PTPN14: variants seen among roughly 807,000 people sequenced by gnomAD.
PTPN14 encodes the protein tyrosine-protein phosphatase non-receptor type 14.
A neutral mutation model predicts 126.8 loss-of-function variants in PTPN14; 53 were observed. The observed-to-expected ratio is 0.42, with a 90% CI of 0.34 to 0.53. The LOEUF is 0.53. PTPN14 is among the 20% of genes least tolerant of loss of function. The pLI, the probability that PTPN14 is intolerant of heterozygous loss-of-function variation, is 0.08. For synonymous variants in PTPN14, 630 were observed against 599.3 expected, an observed-to-expected ratio of 1.05 and a Z score of -0.75; for missense variants, 1,257 against 1,552.9, an observed-to-expected ratio of 0.81 and a Z score of 3.20.
intron 2 of PTPN14, among the ~76,000 whole-genome samples, chr1:214,456,238 T>C (rs1474516383): frequency 1.3e-5 from 2 of 152,230 alleles, no homozygotes; most frequent in African/African-American, 2.4e-5. Context: ...TAAAATATCT[T>C]GCATTAAGTT....
chr1:214,454,643 T>C (rs546337890), intron 2 of PTPN14, among the ~76,000 whole-genome samples: 1 of 152,270 alleles, frequency 6.6e-6, no homozygotes, highest in African/African-American at 2.4e-5. Flanking sequence ...AGAGAAATGA[T>C]AGTAAGGCAA....
chr1:214,418,130 T>G (rs1305206740), intron 3 of PTPN14, among the ~76,000 whole-genome samples: 1 of 152,188 alleles, frequency 6.6e-6, no homozygotes, highest in East Asian at 1.9e-4. Flanking sequence ...CAAGCAAAAG[T>G]GTCCAGAGCC....
intron 1 of PTPN14, among the ~76,000 whole-genome samples, chr1:214,481,944 G>A (rs931671438): frequency 4.0e-5 from 6 of 149,362 alleles, no homozygotes; most frequent in African/African-American, 1.2e-4. Context: ...CCCAGATCAC[G>A]CCACTGCACT....
intron 14 of PTPN14, 60 bp from the exon 15 acceptor site, chr1:214,376,497 A>C (rs1433637552): frequency 3.6e-6 from 5 of 1,392,886 alleles, no homozygotes; most frequent in Non-Finnish European, 5.0e-6. Context: ...TCAATGAAAC[A>C]ACCAAATTTC....
At chr1:214,397,853 A>G in intron 8 of PTPN14, 60 bp downstream of exon 8, 1 of 1,385,326 alleles carries the variant, frequency 7.2e-7, no homozygotes, top group Non-Finnish European at 1.0e-6. Context: ...TTAATGTAAC[A>G]TTAACATTAC....
intron 8 of PTPN14, among the ~76,000 whole-genome samples, chr1:214,395,791 C>T (rs1485903992): frequency 6.6e-6 from 1 of 152,046 alleles, no homozygotes; most frequent in African/African-American, 2.4e-5. Flanking sequence ...CCTGTAATTC[C>T]CTGCCACCGC....
chr1:214,358,179 G>T, intron 18 of PTPN14, 129 bp from the exon 19 acceptor site: 1 of 1,145,938 alleles, frequency 8.7e-7, no homozygotes, highest in Non-Finnish European at 1.2e-6. Flanking sequence ...AAGGGACTCT[G>T]CCCTGGCTGG....
At chr1:214,358,315 G>A (rs961564609) in intron 18 of PTPN14, among the ~76,000 whole-genome samples, 2 of 152,174 alleles carry the variant, frequency 1.3e-5, no homozygotes, top group Non-Finnish European at 2.9e-5. Flanking sequence ...CACCCAGGCT[G>A]GAGTACAGTG....
At chr1:214,413,294 T>C (rs1571984294) in intron 4 of PTPN14, among the ~76,000 whole-genome samples, 1 of 152,256 alleles carries the variant, frequency 6.6e-6, no homozygotes, top group African/African-American at 2.4e-5. Context: ...CCATTGTTTC[T>C]TCCCCTCCAG....
At chr1:214,491,565 T>C (rs952850758) in intron 1 of PTPN14, among the ~76,000 whole-genome samples, 118 of 152,126 alleles carry the variant, frequency 7.8e-4, no homozygotes, top group African/African-American at 2.8e-3. Flanking sequence ...GGGTTCCTTC[T>C]CCTATGAGAA....
rs1285293287 is a variant in PTPN14, at chr1:214,451,801, C to T, written c.344+4G>A. 4 of 1,613,564 alleles carry T rather than the reference C, an allele frequency of 2.5e-6. No homozygotes were observed. The highest frequency in any genetic ancestry group is 2.5e-6 in the Non-Finnish European group (3 of 1,179,776). On this transcript the variant is annotated splice_donor_region_variant and intron_variant, in intron 3 of 18. Coordinates refer to ENST00000366956, the MANE Select transcript of PTPN14 (RefSeq NM_005401.5). ...TATGGCACACAGGGGGAAAATGCAC[C>T]TACCTTGTGGCCTCTTGCTGAAGCC...
rs3002299 is a variant in PTPN14, at chr1:214,364,943, A to T, written c.3272-268T>A. ...GAATTTGTTCTTTAAATTAAATAGT[A>T]CTTTTTTAAAAATTAAATTCTGTTT... On this transcript the variant is annotated intron_variant, in intron 17 of 18. Transcript: ENST00000366956. This position sits in a 1 kb window ranked among gnomAD's most constrained non-coding sequence, Gnocchi z 4.1. 0.81 allele frequency among the ~76,000 whole-genome samples: 122,703 copies of T among 151,974 alleles called. 50,133 individuals carry two copies. Among genetic ancestry groups the T allele is most frequent in the African/African-American group, 0.93 (38,654 of 41,462 alleles).
intron 5 of PTPN14, among the ~76,000 whole-genome samples, chr1:214,405,122 T>C (rs149737138): frequency 6.6e-6 from 1 of 152,334 alleles, no homozygotes; most frequent in African/African-American, 2.4e-5. Flanking sequence ...CCATCCCCTC[T>C]GGGAGAACCA....
intron 1 of PTPN14, among the ~76,000 whole-genome samples, chr1:214,490,497 T>G (rs1027629521): frequency 6.6e-6 from 1 of 152,142 alleles, no homozygotes; most frequent in Non-Finnish European, 1.5e-5. Flanking sequence ...TGTGTATGCA[T>G]AAATGAGAAT....
chr1:214,472,138 T>C (rs1572021849), intron 1 of PTPN14, among the ~76,000 whole-genome samples: 1 of 152,198 alleles, frequency 6.6e-6, no homozygotes, highest in Non-Finnish European at 1.5e-5. Context: ...CTCATTGATA[T>C]GGTTTGAATA....
At chr1:214,544,724 C>G (rs913145339) in intron 1 of PTPN14, among the ~76,000 whole-genome samples, 9 of 151,626 alleles carry the variant, frequency 5.9e-5, no homozygotes, top group African/African-American at 2.2e-4. Flanking sequence ...GCACTCCAGC[C>G]TGGAAGACAG....
In PTPN14 at chr1:214,384,918, A is replaced by G. The variant is rs2102540042; in HGVS notation, c.1067-130T>C. On this transcript the variant is annotated intron_variant, in intron 12 of 18. Transcript: ENST00000366956. The surrounding 1 kb of genome is among the most constrained non-coding windows in gnomAD (Gnocchi z 5.3). ...AAGTGAAATCCCATGGTCTCCACCCACATGTTCTATAGAATAACAGATACT... is the reference window on the plus strand; with the variant it reads ...AAGTGAAATCCCATGGTCTCCACCCGCATGTTCTATAGAATAACAGATACT... 1.9e-6 allele frequency: 2 copies of G among 1,068,128 alleles called. No homozygotes were observed. Among genetic ancestry groups the G allele is most frequent in the Non-Finnish European group, 2.7e-6 (2 of 747,972 alleles). The allele number at this position is 1,068,128 out of a possible 1,614,324, so 66.2% of individuals were successfully genotyped here.
intron 5 of PTPN14, among the ~76,000 whole-genome samples, chr1:214,407,746 T>C (rs1270923580): frequency 3.3e-5 from 5 of 152,210 alleles, no homozygotes; most frequent in African/African-American, 1.2e-4. Flanking sequence ...AAAATATCCC[T>C]TGCTTTGCTT....
chr1:214,376,315 G>A lies in PTPN14; in HGVS notation c.2811C>T (p.Ser937=), dbSNP rs1658341893. The A allele has an allele frequency of 1.2e-6, 2 of 1,614,164 alleles. No homozygotes were observed. The highest frequency in any genetic ancestry group is 1.3e-5 in the African/African-American group (1 of 75,028). The change falls in exon 15 of 19, where the codon AGC becomes AGT. Residue 937 remains serine (S), a synonymous_variant. Transcript: ENST00000366956. ...TAALPENAER[S]RIREVVPYEE... is the part of the protein sequence containing the mutation. ...CATAGGGGACAACTTCACGGATTCG[G>A]CTGCGCTCGGCGTTTTCTGGCAGAG...
Sources: gnomAD v4.1 joint callset for allele counts (sites outside exome capture counted in the v4.1 genomes callset) on GRCh38, gnomAD v4.1.1 for gene constraint, Gnocchi (gnomAD v3.1) non-coding constraint, MANE v1.5 for transcripts, NCBI Gene and HGNC (gene_info 2026-07-23, HGNC 2026-07-21) for gene names.